Variants in DHRSX observed in about 807,000 individuals in gnomAD.
DHRSX encodes polyprenol dehydrogenase.
A neutral mutation model predicts 34.0 loss-of-function variants in DHRSX; 31 were observed. That is an observed-to-expected ratio of 0.91 (90% CI 0.69 to 1.23). The LOEUF (loss-of-function observed/expected upper bound fraction) is 1.23, where lower values mean the gene tolerates loss of function less well. Ranked by LOEUF, DHRSX falls within the 50% of genes most tolerant of loss-of-function variation. The probability of loss-of-function intolerance (pLI) is 0.00; values close to 1 mark genes in which losing one functional copy is unlikely to be tolerated. For synonymous variants in DHRSX, 201 were observed against 183.8 expected (o/e 1.09, Z -0.76); for missense variants, 414 against 428.1 (o/e 0.97, Z 0.29).
chrX:2,259,475 A>C (rs2041333886), intron 5 of DHRSX, among the ~76,000 whole-genome samples: 2 of 151,750 alleles, frequency 1.3e-5, no homozygotes, highest in Admixed American at 1.3e-4. Context: ...AAAATGTTAG[A>C]GCCGGCTCTG....
chrX:2,389,555 G>A (rs1019911474), intron 3 of DHRSX, among the ~76,000 whole-genome samples: 1 of 152,152 alleles, frequency 6.6e-6, no homozygotes, highest in African/African-American at 2.4e-5. Context: ...GTGTGTCACA[G>A]TCTTTCTTGA....
At chrX:2,426,803 CT>C (rs1331253219) in intron 1 of DHRSX, among the ~76,000 whole-genome samples, 4 of 148,322 alleles carry the variant, frequency 2.7e-5, no homozygotes, top group African/African-American at 1.0e-4. Context: ...TTCCTTCCTT[CT>C]TTCCCTCTTT....
At chrX:2,221,336 A>T (rs1471602411) in intron 6 of DHRSX, 107 bp from the exon 7 acceptor site, 1 of 1,124,374 alleles carries the variant, frequency 8.9e-7, no homozygotes, top group African/African-American at 1.6e-5. Flanking sequence ...TATACTCATC[A>T]GCTGCACTGA....
chrX:2,490,081 C>T, intron 1 of DHRSX: 1 of 1,613,824 alleles, frequency 6.2e-7, no homozygotes, highest in Non-Finnish European at 8.5e-7. Context: ...AGTGGGCGGC[C>T]AGCGTGACGT....
At chrX:2,306,463 CTTTTTTT>C (rs537318296) in intron 3 of DHRSX, among the ~76,000 whole-genome samples, 1 of 140,026 alleles carries the variant, frequency 7.1e-6, no homozygotes, top group Non-Finnish European at 1.5e-5. Context: ...GATCAATTAT[CTTTTTTT>C]TTTTTTTTTG....
chrX:2,484,892 C>G (rs1298691684), intron 1 of DHRSX, among the ~76,000 whole-genome samples: 3 of 152,136 alleles, frequency 2.0e-5, no homozygotes, highest in African/African-American at 7.2e-5. Flanking sequence ...ACGTCACCAC[C>G]GAGATTTCGG....
chrX:2,420,560 T>A (rs1186898013), intron 2 of DHRSX, among the ~76,000 whole-genome samples: 1 of 151,608 alleles, frequency 6.6e-6, no homozygotes, highest in Non-Finnish European at 1.5e-5. Flanking sequence ...TTGGCCAACA[T>A]GGTGAAACCC....
chrX:2,422,934 A>G (rs55752490), intron 2 of DHRSX, among the ~76,000 whole-genome samples: 28 of 151,308 alleles, frequency 1.9e-4, no homozygotes, highest in African/African-American at 6.3e-4. Context: ...ACAGGCGCCC[A>G]CCACCACGCA....
At chrX:2,289,274 C>T (rs910896572) in intron 4 of DHRSX, among the ~76,000 whole-genome samples, 4 of 152,034 alleles carry the variant, frequency 2.6e-5, no homozygotes, top group African/African-American at 2.4e-5. Flanking sequence ...CCCGCCACCA[C>T]GCCTGGCTAA....
At chrX:2,285,402 A>T (rs1380997596) in intron 4 of DHRSX, among the ~76,000 whole-genome samples, 1 of 152,264 alleles carries the variant, frequency 6.6e-6, no homozygotes, top group South Asian at 2.1e-4. Context: ...TTAGCTTTTC[A>T]TAAGGAGTGC....
intron 3 of DHRSX, among the ~76,000 whole-genome samples, chrX:2,300,572 A>G (rs1033422004): frequency 2.0e-5 from 3 of 152,106 alleles, no homozygotes; most frequent in African/African-American, 7.2e-5. Context: ...AAAGCAGGCA[A>G]AAGAATGTGA....
chrX:2,395,262 C>T (rs976388544), intron 3 of DHRSX, among the ~76,000 whole-genome samples: 5 of 152,128 alleles, frequency 3.3e-5, no homozygotes, highest in African/African-American at 7.2e-5. Context: ...GCACTCTCTC[C>T]AGAACCCCTC....
At chrX:2,374,792 C>T (rs2043121835) in intron 3 of DHRSX, among the ~76,000 whole-genome samples, 1 of 136,036 alleles carries the variant, frequency 7.4e-6, no homozygotes, top group Non-Finnish European at 1.7e-5. Context: ...AAACAGACCA[C>T]AGCAAGGCCA....
At chrX:2,337,486 G>GT (rs1335959151) in intron 3 of DHRSX, among the ~76,000 whole-genome samples, 3 of 151,770 alleles carry the variant, frequency 2.0e-5, no homozygotes, top group African/African-American at 4.8e-5. Flanking sequence ...TTTGTTTTTT[G>GT]TTTTTTTGTA....
chrX:2,453,910 A>G (rs761505459), intron 1 of DHRSX, among the ~76,000 whole-genome samples: 3 of 152,286 alleles, frequency 2.0e-5, no homozygotes, highest in African/African-American at 7.2e-5. Context: ...CTTGGTTAAT[A>G]CGTTATTAGC....
chrX:2,239,989 A>C lies in DHRSX; in HGVS notation c.804+3034T>G, dbSNP rs142042885. Among the ~76,000 whole-genome samples, 19 of 151,968 alleles carry C rather than the reference A, an allele frequency of 1.3e-4. 1 individual carries two copies. The East Asian group carries it at 3.7e-3, about 30-fold the overall frequency. Reference sequence around the variant, plus strand: ...GTGAAGAACAACAGATCAGAAAGCAAACTGCAAAATAAGGGATGTACAGCT... The same window carrying C: ...GTGAAGAACAACAGATCAGAAAGCACACTGCAAAATAAGGGATGTACAGCT... On this transcript the variant is annotated intron_variant, in intron 6 of 6. Transcript: ENST00000334651.
At chrX:2,428,735 G>A (rs192836788) in intron 1 of DHRSX, among the ~76,000 whole-genome samples, 55 of 152,206 alleles carry the variant, frequency 3.6e-4, no homozygotes, top group African/African-American at 1.1e-3. Flanking sequence ...AAACCTGCAC[G>A]TTCTGCACAT....
chrX:2,221,285 G>A, intron 6 of DHRSX, 56 bp from the exon 7 acceptor site: 3 of 1,560,502 alleles, frequency 1.9e-6, no homozygotes, highest in Non-Finnish European at 2.6e-6. Flanking sequence ...CAGGAAACAG[G>A]AGTCTCAGGA....
intron 6 of DHRSX, among the ~76,000 whole-genome samples, chrX:2,227,372 G>A (rs761583569): frequency 1.6e-3 from 240 of 151,038 alleles, no homozygotes; most frequent in African/African-American, 5.7e-3. Flanking sequence ...AAGAAAGGAG[G>A]AAATAGAGAA....
Sources: allele counts gnomAD v4.1 joint callset (sites outside exome capture counted in the v4.1 genomes callset), GRCh38; gene constraint gnomAD v4.1.1; transcripts MANE v1.5; gene names NCBI Gene and HGNC (gene_info 2026-07-23, HGNC 2026-07-21).